The following PPFIBP1 variants were observed in gnomAD, a reference collection of about 807,000 sequenced individuals.
The protein encoded by PPFIBP1 is liprin-beta-1.
In PPFIBP1, 112 loss-of-function variants were observed where a neutral mutation model predicts 137.8. The observed-to-expected ratio is 0.81, with a 90% CI of 0.70 to 0.95. The LOEUF is 0.95. Among genes scored for constraint, PPFIBP1 ranks in the 40% least tolerant of loss-of-function variants. The pLI, the probability that PPFIBP1 is intolerant of heterozygous loss-of-function variation, is 0.00. For synonymous variants in PPFIBP1, 378 were observed against 417.3 expected, an observed-to-expected ratio of 0.91 and a Z score of 1.15; for missense variants, 1,083 against 1,196.6, an observed-to-expected ratio of 0.91 and a Z score of 1.40.
chr12:27,551,703 C>T (rs559641226), intron 1 of PPFIBP1, among the ~76,000 whole-genome samples: 1 of 152,278 alleles, frequency 6.6e-6, no homozygotes, highest in African/African-American at 2.4e-5. Context: ...TCTGTAACAA[C>T]TCAATCACTT....
intron 1 of PPFIBP1, among the ~76,000 whole-genome samples, chr12:27,556,575 G>A (rs1174116029): frequency 6.6e-6 from 1 of 152,158 alleles, no homozygotes; most frequent in Admixed American, 6.5e-5. Context: ...TTCTTGGTCC[G>A]CATTGGGAAA....
intron 1 of PPFIBP1, among the ~76,000 whole-genome samples, chr12:27,571,444 A>C (rs944093227): frequency 1.7e-4 from 26 of 152,202 alleles, no homozygotes; most frequent in Non-Finnish European, 2.8e-4. Context: ...ATGAGAGGGA[A>C]AATGGGGGAG....
Position 27,632,837 on chromosome 12 carries a change from T to C in PPFIBP1, c.-35-525T>C, listed in dbSNP as rs147679602. On this transcript the variant is annotated intron_variant, in intron 2 of 29. Coordinates refer to ENST00000228425, the MANE Select transcript of PPFIBP1 (RefSeq NM_003622.4). ...AGCTATGGCTCCACTACAAAATGTTTAGTATCAGTAGGGGTGTATGTGTGT... is the reference window on the plus strand; with the variant it reads ...AGCTATGGCTCCACTACAAAATGTTCAGTATCAGTAGGGGTGTATGTGTGT... 1.2e-3 allele frequency among the ~76,000 whole-genome samples: 182 copies of C among 152,302 alleles called. 2 individuals carry two copies. The highest frequency in any genetic ancestry group is 4.1e-3 in the African/African-American group (172 of 41,558).
chr12:27,605,463 A>G (rs1288702035), intron 2 of PPFIBP1, among the ~76,000 whole-genome samples: 1 of 152,192 alleles, frequency 6.6e-6, no homozygotes, highest in Non-Finnish European at 1.5e-5. Flanking sequence ...ATGTAATTTG[A>G]GCCACAAGTG....
intron 1 of PPFIBP1, among the ~76,000 whole-genome samples, chr12:27,565,721 G>A (rs1183432429): frequency 6.6e-6 from 1 of 152,136 alleles, no homozygotes; most frequent in Admixed American, 6.5e-5. Flanking sequence ...TACGTTCATT[G>A]CTCTTACTTC....
chr12:27,692,714 C>G, intron 29 of PPFIBP1, 58 bp downstream of exon 29: 2 of 1,613,842 alleles, frequency 1.2e-6, no homozygotes, highest in Non-Finnish European at 1.7e-6. Flanking sequence ...ATAACAACCC[C>G]AAAGGACCAC....
chr12:27,611,746 A>C (rs2138162295), intron 2 of PPFIBP1, among the ~76,000 whole-genome samples: 2 of 151,372 alleles, frequency 1.3e-5, no homozygotes, highest in East Asian at 1.9e-4. Context: ...GATCCGACCC[A>C]CCAGAGGGCC....
intron 1 of PPFIBP1, among the ~76,000 whole-genome samples, chr12:27,536,481 G>T (rs1476027721): frequency 6.6e-6 from 1 of 152,144 alleles, no homozygotes; most frequent in East Asian, 1.9e-4. Context: ...GGGAGCAAGA[G>T]AGACAGAAGG....
At chr12:27,611,680 T>G (rs1293857084) in intron 2 of PPFIBP1, among the ~76,000 whole-genome samples, 1 of 152,234 alleles carries the variant, frequency 6.6e-6, no homozygotes, top group African/African-American at 2.4e-5. Flanking sequence ...ATTTTGTAAT[T>G]GTCTATAAAC....
chr12:27,529,545 T>C (rs1944168809), intron 1 of PPFIBP1, among the ~76,000 whole-genome samples: 1 of 152,058 alleles, frequency 6.6e-6, no homozygotes, highest in Non-Finnish European at 1.5e-5. Flanking sequence ...AATACAAAAA[T>C]TGGCCGAATG....
Position 27,677,066 on chromosome 12 carries a change from C to T in PPFIBP1, c.1585C>T (p.Arg529Cys), listed in dbSNP as rs773833677. ...KRTASAPNLD[R>C]KRSASAPTLA... ...GTGCGTTGTTGGGATATCTGAAGAT[C>T]GTAAACGAAGTGCCAGTGCACCCAC... is the stretch of plus-strand genomic sequence containing the variant. The change falls in exon 19 of 30, where the codon CGT becomes TGT. Residue 529 changes from arginine to cysteine, a missense_variant and splice_region_variant. Transcript: ENST00000228425. 54 of 1,614,038 alleles carry T rather than the reference C, an allele frequency of 3.3e-5. No individual in the cohort carries two copies. The highest frequency in any genetic ancestry group is 2.1e-5 in the Non-Finnish European group (25 of 1,180,022).
chr12:27,617,218 C>A (rs916428565), intron 2 of PPFIBP1, among the ~76,000 whole-genome samples: 1 of 152,082 alleles, frequency 6.6e-6, no homozygotes, highest in African/African-American at 2.4e-5. Context: ...TTTTTAGGCT[C>A]AAATAAACAC....
At position 27,689,126 on chromosome 12, in the gene PPFIBP1, G is replaced by T. The variant is rs192927833; in HGVS notation, c.2608G>T (p.Ala870Ser). Residue 870 changes from alanine to serine, a missense_variant, in exon 27 of 30, where the codon GCT becomes TCT. Physicochemically the swap from Ala to Ser is moderately conservative, Grantham distance 99. Coordinates refer to ENST00000228425, the MANE Select transcript of PPFIBP1 (RefSeq NM_003622.4). ...LATHFNLLIG[A>S]EAQHQKRDAM... The stretch of plus-strand genomic sequence containing the variant: ...CACTCATTTCAACCTTCTGATTGGG[G>T]CTGAGGCACAGCACCAGAAGCGAGA... 3 of 1,604,466 alleles carry T rather than the reference G, an allele frequency of 1.9e-6. No homozygotes were observed. The highest frequency in any genetic ancestry group is 2.5e-6 in the Non-Finnish European group (3 of 1,177,706).
At chr12:27,584,778 G>A (rs1196788195) in intron 2 of PPFIBP1, among the ~76,000 whole-genome samples, 3 of 152,218 alleles carry the variant, frequency 2.0e-5, no homozygotes, top group Admixed American at 2.0e-4. Context: ...TAGCCCTGCT[G>A]CCAGGCTTTG....
At chr12:27,673,931 C>A in intron 16 of PPFIBP1, 104 bp downstream of exon 16, 1 of 1,035,680 alleles carries the variant, frequency 9.7e-7, no homozygotes, top group Non-Finnish European at 1.4e-6. Flanking sequence ...TTATGAAGAG[C>A]TTGTGGTTTT....
chr12:27,603,019 T>C (rs1986977), intron 2 of PPFIBP1, among the ~76,000 whole-genome samples: 88,544 of 152,046 alleles, frequency 0.58, 26,268 homozygotes, highest in Non-Finnish European at 0.62. Flanking sequence ...CATACAGCCT[T>C]TCTTATTGTA....
intron 2 of PPFIBP1, among the ~76,000 whole-genome samples, chr12:27,618,299 C>T (rs977032569): frequency 2.6e-5 from 4 of 152,152 alleles, no homozygotes; most frequent in East Asian, 1.9e-4. Flanking sequence ...AAAGTTAACC[C>T]GAAAAACTAG....
intron 4 of PPFIBP1, among the ~76,000 whole-genome samples, chr12:27,640,202 T>C (rs2058013538): frequency 6.6e-6 from 1 of 152,206 alleles, no homozygotes; most frequent in Non-Finnish European, 1.5e-5. Flanking sequence ...GATGTGCTTT[T>C]CATGGAATCC....
rs1398080056 is a variant in PPFIBP1 at position 27,635,063 on chromosome 12, A to G, written c.218A>G (p.Gln73Arg). The stretch of plus-strand genomic sequence containing the variant: ...GATGAGAAAGAAGGCTTGAGATGCC[A>G]GATCCCAGATTCAACAGCAGAAACG... ...ETDEKEGLRCQIPDSTAETLV... is the reference protein window; with the variant it reads ...ETDEKEGLRCRIPDSTAETLV... Residue 73 changes from glutamine (Q) to arginine (R), a missense_variant, in exon 4 of 30, where the codon CAG becomes CGG. Physicochemically the swap from Gln to Arg is conservative, Grantham distance 43 (BLOSUM62 1). Transcript: ENST00000228425. 4.3e-6 allele frequency: 7 copies of G among 1,614,238 alleles called. No individual in the cohort carries two copies. The highest frequency in any genetic ancestry group is 5.1e-6 in the Non-Finnish European group (6 of 1,180,026).
Sources: allele counts gnomAD v4.1 joint callset (sites outside exome capture counted in the v4.1 genomes callset), GRCh38; gene constraint gnomAD v4.1.1; transcripts MANE v1.5; gene names NCBI Gene and HGNC (gene_info 2026-07-23, HGNC 2026-07-21).